The following ASAP2 variants were observed in gnomAD, a reference collection of about 807,000 sequenced individuals.
ASAP2 encodes arf-GAP with SH3 domain, ANK repeat and PH domain-containing protein 2.
Under a neutral mutation model 131.4 loss-of-function variants are expected in ASAP2, and 45 were observed. The observed-to-expected ratio is 0.34, with a 90% CI of 0.27 to 0.44. The LOEUF (loss-of-function observed/expected upper bound fraction) is 0.44, where lower values mean the gene tolerates loss of function less well. Among genes scored for constraint, ASAP2 ranks in the 20% least tolerant of loss-of-function variants. The probability of loss-of-function intolerance (pLI) is 1.00; values close to 1 mark genes in which losing one functional copy is unlikely to be tolerated. For synonymous variants in ASAP2, 510 were observed against 503.0 expected (o/e 1.01, Z -0.19); for missense variants, 1,011 against 1,297.0 (o/e 0.78, Z 3.39).
At chr2:9,366,656 C>T (rs76359641) in intron 15 of ASAP2, among the ~76,000 whole-genome samples, 24 of 152,286 alleles carry the variant, frequency 1.6e-4, no homozygotes, top group Admixed American at 3.9e-4. Flanking sequence ...GCTTTTGCCT[C>T]CTGACTGATG....
At chr2:9,330,797 A>C (rs1670783824) in intron 7 of ASAP2, among the ~76,000 whole-genome samples, 1 of 152,222 alleles carries the variant, frequency 6.6e-6, no homozygotes, top group Non-Finnish European at 1.5e-5. Context: ...TGCCCAAACC[A>C]GTCAGTTGGG....
chr2:9,372,806 C>A (rs1290376925), intron 16 of ASAP2, among the ~76,000 whole-genome samples: 4 of 151,974 alleles, frequency 2.6e-5, no homozygotes, highest in African/African-American at 9.7e-5. Flanking sequence ...GCAGTCACAC[C>A]CACGTCCACA....
At chr2:9,231,723 C>A (rs768702748) in intron 1 of ASAP2, among the ~76,000 whole-genome samples, 1 of 152,214 alleles carries the variant, frequency 6.6e-6, no homozygotes, top group Non-Finnish European at 1.5e-5. Flanking sequence ...CATGGTCCTT[C>A]TGCTAGTTGG....
chr2:9,405,665 T>C lies in ASAP2; in HGVS notation c.*2338T>C, dbSNP rs1002899784. 4.6e-5 allele frequency: 7 copies of C among 152,684 alleles called. No homozygotes were observed. The Middle Eastern group carries it at 0.01, about 223-fold the overall frequency. The allele number at this position is 152,684 out of a possible 1,614,324, so 9.5% of individuals were successfully genotyped here. A position where few individuals can be genotyped will look rare whatever the true frequency, so the allele number is the denominator to read the frequency against. ...GTCATTTGACTGGAAAAAAATAAAA[T>C]ACTTTTAAATGGACATGGTTTTATT... On this transcript the variant is annotated 3_prime_UTR_variant, in exon 28 of 28. Transcript: ENST00000281419.
chr2:9,337,474 TTCTG>T (rs1671284628), intron 9 of ASAP2, among the ~76,000 whole-genome samples: 2 of 152,254 alleles, frequency 1.3e-5, no homozygotes, highest in South Asian at 4.1e-4. Context: ...TTGGATTTTC[TTCTG>T]TGACTTAGAC....
At chr2:9,273,325 T>C (rs1012851633) in intron 1 of ASAP2, among the ~76,000 whole-genome samples, 1 of 152,230 alleles carries the variant, frequency 6.6e-6, no homozygotes, top group African/African-American at 2.4e-5. Flanking sequence ...GATTATTTTC[T>C]TGATTGCTTT....
In ASAP2 at chr2:9,385,292, A is replaced by G. The variant is rs1229597494; in HGVS notation, c.2064A>G (p.Glu688=). The G allele has an allele frequency of 1.2e-6, 2 of 1,614,234 alleles. No homozygotes were observed. Among genetic ancestry groups the G allele is most frequent in the South Asian group, 1.1e-5 (1 of 91,092 alleles). ...GATTTAATTCTCACGTTCACGTTGA[A>G]TATGAATGGCGACTACTCCACGAAG... is the stretch of plus-strand genomic sequence containing the variant. ...SGRFNSHVHV[E]YEWRLLHEDL... The change falls in exon 21 of 28, where the codon GAA becomes GAG. Residue 688 remains glutamate (E), a synonymous_variant. Transcript: ENST00000281419.
chr2:9,328,003 A>C, intron 7 of ASAP2, 92 bp downstream of exon 7: 1 of 894,134 alleles, frequency 1.1e-6, no homozygotes, highest in Non-Finnish European at 1.7e-6. Context: ...AATAAACACC[A>C]CTTAGAAGTC....
At chr2:9,234,804 G>A (rs968758770) in intron 1 of ASAP2, among the ~76,000 whole-genome samples, 6 of 152,140 alleles carry the variant, frequency 3.9e-5, no homozygotes, top group Non-Finnish European at 5.9e-5. Context: ...GCCCACTTCC[G>A]GCCTTGCGAA....
intron 1 of ASAP2, among the ~76,000 whole-genome samples, chr2:9,263,418 T>A (rs1665716103): frequency 6.6e-6 from 1 of 152,176 alleles, no homozygotes; most frequent in Non-Finnish European, 1.5e-5. Context: ...TGCTGTGCAG[T>A]GGTGATCTTG....
chr2:9,301,243 G>A (rs574801600), intron 3 of ASAP2, among the ~76,000 whole-genome samples: 2 of 152,098 alleles, frequency 1.3e-5, no homozygotes, highest in Non-Finnish European at 2.9e-5. Flanking sequence ...CCTGCTTGGA[G>A]GCGTGAAAGA....
intron 21 of ASAP2, among the ~76,000 whole-genome samples, chr2:9,387,121 G>A (rs531085291): frequency 2.7e-5 from 4 of 150,804 alleles, no homozygotes; most frequent in East Asian, 1.9e-4. Flanking sequence ...GGCTGAGGCA[G>A]GAGAATGGCG....
At chr2:9,313,688 C>G (rs116242135) in intron 3 of ASAP2, among the ~76,000 whole-genome samples, 1 of 152,162 alleles carries the variant, frequency 6.6e-6, no homozygotes, top group Non-Finnish European at 1.5e-5. Flanking sequence ...TGACCTGCGC[C>G]GGTGACTCTG....
intron 11 of ASAP2, among the ~76,000 whole-genome samples, chr2:9,345,589 G>T (rs1362678458): frequency 2.6e-5 from 4 of 152,132 alleles, no homozygotes; most frequent in African/African-American, 9.7e-5. Context: ...CAAGGCCGAG[G>T]TCGTTGCCTT....
intron 2 of ASAP2, among the ~76,000 whole-genome samples, chr2:9,292,818 G>A (rs1018381984): frequency 1.3e-5 from 2 of 152,194 alleles, no homozygotes; most frequent in Admixed American, 6.5e-5. Flanking sequence ...CCAGCATACC[G>A]TCACATCCCT....
chr2:9,271,802 A>G (rs533095667), intron 1 of ASAP2, among the ~76,000 whole-genome samples: 1 of 152,100 alleles, frequency 6.6e-6, no homozygotes, highest in East Asian at 1.9e-4. Context: ...AATTGAAAAC[A>G]TGGAGTGTTT....
intron 1 of ASAP2, among the ~76,000 whole-genome samples, chr2:9,243,655 C>T (rs1037227096): frequency 1.3e-5 from 2 of 152,176 alleles, no homozygotes; most frequent in East Asian, 1.9e-4. Flanking sequence ...TTTCCACTTA[C>T]AGAAGCTTGT....
intron 1 of ASAP2, among the ~76,000 whole-genome samples, chr2:9,211,961 T>C (rs1209729498): frequency 6.6e-6 from 1 of 152,202 alleles, no homozygotes; most frequent in Non-Finnish European, 1.5e-5. Context: ...TTAAACTGTG[T>C]TCTGAAATTT....
intron 22 of ASAP2, 56 bp downstream of exon 22, chr2:9,388,602 G>A (rs1189893773): frequency 6.4e-7 from 1 of 1,561,524 alleles, no homozygotes; most frequent in African/African-American, 1.4e-5. Flanking sequence ...TTTGTGGTTT[G>A]GGAAGTTTGC....
Sources: gnomAD v4.1 joint callset for allele counts (sites outside exome capture counted in the v4.1 genomes callset) on GRCh38, gnomAD v4.1.1 for gene constraint, MANE v1.5 for transcripts, NCBI Gene and HGNC (gene_info 2026-07-23, HGNC 2026-07-21) for gene names.